The following ALDH18A1 variants were observed in gnomAD, a reference collection of about 807,000 sequenced individuals.
The protein encoded by ALDH18A1 is aldehyde dehydrogenase 18 family member A1.
In ALDH18A1, 44 loss-of-function variants were observed where a neutral mutation model predicts 88.8. The observed-to-expected ratio is 0.50, with a 90% CI of 0.39 to 0.64. The LOEUF (loss-of-function observed/expected upper bound fraction) is 0.64, where lower values mean the gene tolerates loss of function less well. ALDH18A1 is among the 30% of genes least tolerant of loss of function. The probability of loss-of-function intolerance (pLI) is 0.00; values close to 1 mark genes in which losing one functional copy is unlikely to be tolerated. For synonymous variants in ALDH18A1, 331 were observed against 372.1 expected, an observed-to-expected ratio of 0.89 and a Z score of 1.27; for missense variants, 782 against 1,009.5, an observed-to-expected ratio of 0.77 and a Z score of 3.05.
intron 3 of ALDH18A1, among the ~76,000 whole-genome samples, chr10:95,638,688 G>A (rs2097885733): frequency 6.6e-6 from 1 of 152,088 alleles, no homozygotes; most frequent in Admixed American, 6.6e-5. Context: ...GTTCTGCTCT[G>A]TCTGCCCAAG....
chr10:95,611,325 C>T lies in ALDH18A1; in HGVS notation c.2041G>A (p.Val681Ile), dbSNP rs764233894. 27 of 1,614,198 alleles carry T rather than the reference C, an allele frequency of 1.7e-5. No individual in the cohort carries two copies. In the South Asian group the frequency reaches 2.4e-4, roughly 14 times the overall value. ...TGGATGTGGTCAATGGCATCCTGAA[C>T]GTTGTCCACTACTTCAATGCATAAT... ...LELCIEVVDN[V>I]QDAIDHIHKY... is the part of the protein sequence containing the mutation. The change falls in exon 16 of 18, where the codon GTT becomes ATT. Residue 681 changes from valine to isoleucine, a missense_variant. Physicochemically the swap from Val to Ile is conservative, Grantham distance 29 (BLOSUM62 3). This residue lies in a region of ALDH18A1 where 556 missense variants were observed against 654.5 expected (regional missense o/e 0.85). Coordinates refer to ENST00000371224, the MANE Select transcript of ALDH18A1 (RefSeq NM_002860.4).
chr10:95,626,646 C>T (rs1490179647), intron 10 of ALDH18A1, 57 bp downstream of exon 10: 28 of 1,559,152 alleles, frequency 1.8e-5, no homozygotes, highest in Non-Finnish European at 2.3e-5. Flanking sequence ...ACTCCTGTAA[C>T]TACACAGCAT....
chr10:95,631,242 G>A (rs1025141601), intron 7 of ALDH18A1, among the ~76,000 whole-genome samples: 6 of 152,046 alleles, frequency 3.9e-5, no homozygotes, highest in Non-Finnish European at 8.8e-5. Context: ...GAGAAGAACA[G>A]AGTAACATAT....
At chr10:95,654,639 C>T (rs1410867996) in intron 1 of ALDH18A1, among the ~76,000 whole-genome samples, 1 of 150,592 alleles carries the variant, frequency 6.6e-6, no homozygotes, top group Non-Finnish European at 1.5e-5. Context: ...TTATACTGCA[C>T]AAAGGCACTG....
chr10:95,626,760 C>A lies in ALDH18A1; in HGVS notation c.1095G>T (p.Gln365His). The A allele has an allele frequency of 6.2e-7, 1 of 1,614,020 alleles. No homozygotes were observed. The highest frequency in any genetic ancestry group is 8.5e-7 in the Non-Finnish European group (1 of 1,179,920). The part of the protein sequence containing the change: ...EVKPAGPTVE[Q>H]QGEMARSGGR... ...CTCCAGATCGCGCCATTTCTCCCTG[C>A]TGCTCAACAGTAGGGCCTGCAAGAA... Residue 365 changes from glutamine to histidine, a missense_variant, in exon 10 of 18, where the codon CAG becomes CAT. This residue lies in a region of ALDH18A1 where 556 missense variants were observed against 654.5 expected (regional missense o/e 0.85). Coordinates refer to ENST00000371224, the MANE Select transcript of ALDH18A1 (RefSeq NM_002860.4).
chr10:95,633,571 T>C lies in ALDH18A1; in HGVS notation c.637A>G (p.Met213Val). 1 of 1,614,178 alleles carries C rather than the reference T, an allele frequency of 6.2e-7. No individual in the cohort carries two copies. Among genetic ancestry groups the C allele is most frequent in the Non-Finnish European group, 8.5e-7 (1 of 1,180,034 alleles). Residue 213 changes from methionine (M) to valine (V), a missense_variant, in exon 6 of 18, where the codon ATG becomes GTG. Physicochemically the swap from Met to Val is conservative, Grantham distance 21. This residue lies in a region of ALDH18A1 where 132 missense variants were observed against 255.5 expected (regional missense o/e 0.52). Coordinates refer to ENST00000371224, the MANE Select transcript of ALDH18A1 (RefSeq NM_002860.4). Reference protein sequence around the residue: ...LNGTLHELLRMNIVPIVNTND... With the variant: ...LNGTLHELLRVNIVPIVNTND... ...GTGTTGACAATGGGGACAATGTTCA[T>C]TCTAAGGAGTTCATGAAGTGTTCCA... is the stretch of plus-strand genomic sequence containing the variant.
intron 2 of ALDH18A1, among the ~76,000 whole-genome samples, chr10:95,646,355 G>T (rs1428471876): frequency 6.6e-6 from 1 of 152,146 alleles, no homozygotes; most frequent in Non-Finnish European, 1.5e-5. Context: ...AGAAGAGGGT[G>T]GGTCGCATGG....
Position 95,606,397 on chromosome 10 carries a change from C to T in ALDH18A1, c.*365G>A, listed in dbSNP as rs2097822736. 1 of 1,128,066 alleles carries T rather than the reference C, an allele frequency of 8.9e-7. No homozygotes were observed. Among genetic ancestry groups the T allele is most frequent in the South Asian group, 2.5e-5 (1 of 40,336 alleles). The allele number at this position is 1,128,066 out of a possible 1,614,324, so 69.9% of individuals were successfully genotyped here. A position where few individuals can be genotyped will look rare whatever the true frequency, so the allele number is the denominator to read the frequency against. ...GAAAAGATTTGTTAAGGATGACTGG[C>T]TCTAGTACCAACTAAATGCCAAGGG... On this transcript the variant is annotated 3_prime_UTR_variant, in exon 18 of 18. Transcript: ENST00000371224.
chr10:95,621,382 T>C, intron 11 of ALDH18A1, 131 bp from the exon 12 acceptor site: 1 of 824,742 alleles, frequency 1.2e-6, no homozygotes, highest in Non-Finnish European at 1.9e-6. Context: ...TGCAGTGGCA[T>C]GATCTAGGCC....
intron 17 of ALDH18A1, 148 bp from the exon 18 acceptor site, chr10:95,607,091 C>T (rs2097824156): frequency 2.6e-6 from 2 of 776,420 alleles, no homozygotes; most frequent in Non-Finnish European, 4.5e-6. Flanking sequence ...GCTGAGTCAC[C>T]CTGTTCCCAT....
At chr10:95,623,874 G>T (rs2097856789) in intron 11 of ALDH18A1, among the ~76,000 whole-genome samples, 1 of 150,960 alleles carries the variant, frequency 6.6e-6, no homozygotes, top group South Asian at 2.1e-4. Context: ...TGTAATTTTT[G>T]TATTTTTATA....
At chr10:95,653,503 C>T in intron 1 of ALDH18A1, 98 bp from the exon 2 acceptor site, 2 of 1,000,318 alleles carry the variant, frequency 2.0e-6, no homozygotes, top group Non-Finnish European at 3.1e-6. Context: ...AAAAATCTGA[C>T]TCTCCTGCTC....
At chr10:95,637,575 G>C in intron 3 of ALDH18A1, 139 bp from the exon 4 acceptor site, 1 of 987,230 alleles carries the variant, frequency 1.0e-6, no homozygotes, top group Non-Finnish European at 1.5e-6. Flanking sequence ...GGCTCTGGAA[G>C]AATCAGCCAG....
At chr10:95,621,380 C>T (rs1202342860) in intron 11 of ALDH18A1, 129 bp from the exon 12 acceptor site, 2 of 843,140 alleles carry the variant, frequency 2.4e-6, no homozygotes, top group Admixed American at 4.5e-5. Flanking sequence ...AGTGCAGTGG[C>T]ATGATCTAGG....
chr10:95,644,784 C>T lies in ALDH18A1; in HGVS notation c.89-1578G>A, dbSNP rs927438836. Among the ~76,000 whole-genome samples, 9 of 152,342 alleles carry T rather than the reference C, an allele frequency of 5.9e-5. No individual in the cohort carries two copies. In the Middle Eastern group the frequency reaches 0.01, roughly 173 times the overall value. ...TTTCTAGGAACTTAAAAGAGACATG[C>T]TTTCTTCCCTTCATCCCCACTGCTT... On this transcript the variant is annotated intron_variant, in intron 2 of 17. Coordinates refer to ENST00000371224, the MANE Select transcript of ALDH18A1 (RefSeq NM_002860.4).
chr10:95,647,075 A>G (rs1322972545), intron 2 of ALDH18A1, among the ~76,000 whole-genome samples: 2 of 151,640 alleles, frequency 1.3e-5, no homozygotes, highest in East Asian at 3.8e-4. Context: ...TCCCTCTGCT[A>G]TTCTGCTTAT....
intron 17 of ALDH18A1, among the ~76,000 whole-genome samples, chr10:95,608,745 C>T (rs1277964927): frequency 1.3e-5 from 2 of 152,260 alleles, no homozygotes; most frequent in Non-Finnish European, 2.9e-5. Flanking sequence ...ATGAGATCCT[C>T]CTGCTTCAGC....
At position 95,642,997 on chromosome 10, in the gene ALDH18A1, C is replaced by A; in HGVS notation, c.298G>T (p.Glu100Ter). 1 of 1,613,264 alleles carries A rather than the reference C, an allele frequency of 6.2e-7. No individual in the cohort carries two copies. Among genetic ancestry groups the A allele is most frequent in the Non-Finnish European group, 8.5e-7 (1 of 1,179,880 alleles). The part of the protein sequence containing the change: ...LALGRLASIV[E>*]QVSVLQNQGR... ...ATTTCTATCTTGGCAATCACCTGCT[C>A]AACAATAGATGCCAAGCGCCCCAGG... is the stretch of plus-strand genomic sequence containing the variant. The change falls in exon 3 of 18, where the codon GAG (glutamate) becomes TAG (stop). Residue 100 changes from glutamate (E) to a stop codon, truncating the protein, a stop_gained. Transcript: ENST00000371224. LOFTEE classifies it high-confidence loss of function.
At chr10:95,613,220 G>A (rs10882642) in intron 15 of ALDH18A1, among the ~76,000 whole-genome samples, 58,771 of 152,054 alleles carry the variant, frequency 0.39, 12,951 homozygotes, top group Admixed American at 0.5. Flanking sequence ...CTGGCTTTTG[G>A]TTTGTTTACA....
Sources: allele counts gnomAD v4.1 joint callset (sites outside exome capture counted in the v4.1 genomes callset), GRCh38; gene constraint gnomAD v4.1.1; regional missense constraint gnomAD v4.1.1; transcripts MANE v1.5; gene names NCBI Gene and HGNC (gene_info 2026-07-23, HGNC 2026-07-21).